DIAPH3: variants seen among roughly 807,000 people sequenced by gnomAD.
DIAPH3 encodes the protein protein diaphanous homolog 3.
In DIAPH3, 117 loss-of-function variants were observed where a neutral mutation model predicts 144.3. The ratio of observed to expected loss-of-function variants is 0.81; its 90% CI spans 0.70 to 0.95. DIAPH3 has a LOEUF of 0.95. Among genes scored for constraint, DIAPH3 ranks in the 40% least tolerant of loss-of-function variants. The pLI is 0.00. For synonymous variants in DIAPH3, 519 were observed against 488.9 expected, an observed-to-expected ratio of 1.06 and a Z score of -0.81; for missense variants, 1,421 against 1,412.7, an observed-to-expected ratio of 1.01 and a Z score of -0.09.
chr13:60,156,970 A>C (rs1394115145), intron 1 of DIAPH3, among the ~76,000 whole-genome samples: 2 of 97,544 alleles, frequency 2.1e-5, no homozygotes, highest in Non-Finnish European at 4.0e-5. Context: ...GAGACAGAGG[A>C]GTCTCACTCT....
intron 25 of DIAPH3, among the ~76,000 whole-genome samples, chr13:59,803,225 A>AT (rs918808078): frequency 1.1e-4 from 16 of 152,264 alleles, no homozygotes; most frequent in African/African-American, 3.1e-4. Context: ...GATTGGTATG[A>AT]TTTTTTTGCC....
intron 24 of DIAPH3, among the ~76,000 whole-genome samples, chr13:59,812,285 CATCCATCCATCCATCCATCT>C (rs1321932987): frequency 6.6e-6 from 1 of 151,400 alleles, no homozygotes; most frequent in African/African-American, 2.4e-5. Flanking sequence ...TCCATCCATC[CATCCATCCATCCATCCATCT>C]ATCCATCGAT....
At chr13:59,681,394 T>C (rs910383699) in intron 27 of DIAPH3, among the ~76,000 whole-genome samples, 2 of 152,100 alleles carry the variant, frequency 1.3e-5, no homozygotes, top group Non-Finnish European at 2.9e-5. Flanking sequence ...GGAGGATCAC[T>C]CAAGCCTGGG....
intron 4 of DIAPH3, among the ~76,000 whole-genome samples, chr13:60,051,184 A>G (rs571047914): frequency 6.6e-6 from 1 of 152,258 alleles, no homozygotes; most frequent in African/African-American, 2.4e-5. Context: ...GAACTGGGGC[A>G]GTGGCTAGAG....
At chr13:59,975,596 C>G (rs547224192) in intron 14 of DIAPH3, among the ~76,000 whole-genome samples, 1 of 151,962 alleles carries the variant, frequency 6.6e-6, no homozygotes. Context: ...CCACATACCC[C>G]CAACCCTACA....
At chr13:59,911,561 A>C (rs564078618) in intron 20 of DIAPH3, among the ~76,000 whole-genome samples, 174 bp downstream of exon 20, 1 of 152,342 alleles carries the variant, frequency 6.6e-6, no homozygotes, top group South Asian at 2.1e-4. Context: ...GTTTCAATAT[A>C]TATTTTAAAT....
intron 17 of DIAPH3, among the ~76,000 whole-genome samples, chr13:59,952,798 G>A (rs2049169188): frequency 6.6e-6 from 1 of 152,164 alleles, no homozygotes; most frequent in Non-Finnish European, 1.5e-5. Context: ...CAGTTTGCTT[G>A]AGGAGGCTGA....
intron 4 of DIAPH3, among the ~76,000 whole-genome samples, chr13:60,069,488 C>G (rs1249960556): frequency 6.6e-6 from 1 of 152,016 alleles, no homozygotes; most frequent in Admixed American, 6.6e-5. Context: ...TAAGTAGGTC[C>G]CAAATGTCAA....
intron 25 of DIAPH3, among the ~76,000 whole-genome samples, chr13:59,789,439 G>T (rs1260742264): frequency 1.3e-5 from 2 of 152,128 alleles, no homozygotes; most frequent in African/African-American, 2.4e-5. Flanking sequence ...TATTAGTGAA[G>T]AATTGACTTT....
At chr13:59,815,250 C>T (rs532779261) in intron 24 of DIAPH3, among the ~76,000 whole-genome samples, 3 of 152,232 alleles carry the variant, frequency 2.0e-5, no homozygotes, top group East Asian at 3.9e-4. Flanking sequence ...TCAATATAAC[C>T]ATGTCTCTAA....
At chr13:59,943,713 C>A (rs1194597860) in intron 17 of DIAPH3, among the ~76,000 whole-genome samples, 2 of 152,058 alleles carry the variant, frequency 1.3e-5, no homozygotes, top group African/African-American at 4.8e-5. Context: ...TATACAATAA[C>A]ATAATCATTT....
intron 1 of DIAPH3, among the ~76,000 whole-genome samples, chr13:60,133,776 A>T (rs2059201122): frequency 6.6e-6 from 1 of 152,208 alleles, no homozygotes; most frequent in African/African-American, 2.4e-5. Context: ...ATTGTATTCA[A>T]GTAACTGGAA....
At chr13:59,684,266 C>T (rs1327067767) in intron 27 of DIAPH3, among the ~76,000 whole-genome samples, 1 of 152,150 alleles carries the variant, frequency 6.6e-6, no homozygotes, top group African/African-American at 2.4e-5. Flanking sequence ...CACGGAGCAA[C>T]CTTTATGTTT....
chr13:60,027,286 C>T (rs1240056845), intron 5 of DIAPH3, among the ~76,000 whole-genome samples: 1 of 152,196 alleles, frequency 6.6e-6, no homozygotes, highest in Non-Finnish European at 1.5e-5. Context: ...GCTGGGAATT[C>T]AGGAACTATT....
chr13:60,110,581 C>T (rs2058540375), intron 3 of DIAPH3, among the ~76,000 whole-genome samples: 1 of 152,160 alleles, frequency 6.6e-6, no homozygotes, highest in African/African-American at 2.4e-5. Flanking sequence ...CTGTAGTATA[C>T]TCAAGGAATC....
intron 17 of DIAPH3, among the ~76,000 whole-genome samples, chr13:59,925,159 A>G (rs1045286954): frequency 2.6e-5 from 4 of 152,180 alleles, no homozygotes; most frequent in African/African-American, 9.6e-5. Flanking sequence ...GGGTATAAGA[A>G]TAACTACAAT....
At chr13:59,935,386 T>C (rs1252661679) in intron 17 of DIAPH3, among the ~76,000 whole-genome samples, 1 of 152,150 alleles carries the variant, frequency 6.6e-6, no homozygotes, top group African/African-American at 2.4e-5. Context: ...TTCAGCAATA[T>C]AGTAGAATGG....
At chr13:59,668,844 TACACAC>T (rs10640305) in intron 27 of DIAPH3, among the ~76,000 whole-genome samples, 1 of 148,254 alleles carries the variant, frequency 6.7e-6, no homozygotes. Flanking sequence ...TATGTATGTA[TACACAC>T]ACACACACAC....
chr13:59,728,577 T>C (rs2035720450), intron 27 of DIAPH3, among the ~76,000 whole-genome samples: 1 of 151,968 alleles, frequency 6.6e-6, no homozygotes, highest in Admixed American at 6.6e-5. Flanking sequence ...TTTTTAGGTA[T>C]AATAATGTAT....
Sources: gnomAD v4.1 joint callset for allele counts (sites outside exome capture counted in the v4.1 genomes callset) on GRCh38, gnomAD v4.1.1 for gene constraint, MANE v1.5 for transcripts, NCBI Gene and HGNC (gene_info 2026-07-23, HGNC 2026-07-21) for gene names.